BOC: variants seen among roughly 807,000 people sequenced by gnomAD.
BOC encodes the protein BOC cell adhesion associated, oncogene regulated.
In BOC, 76 loss-of-function variants were observed where a neutral mutation model predicts 112.0. The observed-to-expected ratio is 0.68, with a 90% confidence interval of 0.56 to 0.82. The LOEUF is 0.82. Ranked by LOEUF, BOC falls within the 40% of genes least tolerant of loss-of-function variation. The pLI, the probability that BOC is intolerant of heterozygous loss-of-function variation, is 0.00. For missense variants in BOC, 1,309 were observed against 1,511.7 expected, an observed-to-expected ratio of 0.87 and a Z score of 2.22; for synonymous variants, 580 against 599.8, an observed-to-expected ratio of 0.97 and a Z score of 0.48.
intron 4 of BOC, among the ~76,000 whole-genome samples, chr3:113,256,095 A>G (rs915043411): frequency 1.6e-4 from 25 of 152,152 alleles, no homozygotes; most frequent in Admixed American, 3.3e-4. Flanking sequence ...ATTTGAGAGC[A>G]TTTTAGAAAT....
rs779485289 is a variant in BOC, at chr3:113,284,616, A to T, written c.2889+49A>T. The T allele has an allele frequency of 5.7e-6, 9 of 1,576,034 alleles. No homozygotes were observed. In the South Asian group the frequency reaches 1.0e-4, roughly 18 times the overall value. On this transcript the variant is annotated intron_variant, in intron 17 of 19. Coordinates refer to ENST00000682979, the MANE Select transcript of BOC (RefSeq NM_001378074.1). Reference sequence around the variant, plus strand: ...GGCAGGTATGGGACACCCAGGAGGGAGTGGCTGGGCTGCCTTGGGGGGCCT... The same window carrying T: ...GGCAGGTATGGGACACCCAGGAGGGTGTGGCTGGGCTGCCTTGGGGGGCCT...
intron 4 of BOC, among the ~76,000 whole-genome samples, chr3:113,260,486 C>T (rs936286373): frequency 1.3e-5 from 2 of 152,126 alleles, no homozygotes; most frequent in African/African-American, 2.4e-5. Context: ...AATTTGGCTC[C>T]ATGACCTAAC....
intron 2 of BOC, among the ~76,000 whole-genome samples, chr3:113,239,840 A>G (rs116507371): frequency 0.016 from 2,388 of 152,240 alleles, 21 homozygotes; most frequent in Admixed American, 0.026. Context: ...TCTGTAAACC[A>G]TGAAATATGC....
In BOC at chr3:113,274,245, G is replaced by A; in HGVS notation, c.1235-130G>A. Reference sequence around the variant, plus strand: ...GGAGCCTGGCTGGGCAGCACAGAGTGGGTGGCGGTACAGCTGATGGTGGGC... The same window carrying A: ...GGAGCCTGGCTGGGCAGCACAGAGTAGGTGGCGGTACAGCTGATGGTGGGC... On this transcript the variant is annotated intron_variant, in intron 8 of 19. Transcript: ENST00000682979. This position sits in a 1 kb window ranked among gnomAD's most constrained non-coding sequence, Gnocchi z 4.8. 1 of 799,320 alleles carries A rather than the reference G, an allele frequency of 1.3e-6. No homozygotes were observed. The highest frequency in any genetic ancestry group is 1.9e-6 in the Non-Finnish European group (1 of 539,160). 49.5% of individuals were successfully genotyped at this position (799,320 alleles called of 1,614,324 possible). A position where few individuals can be genotyped will look rare whatever the true frequency, so the allele number is the denominator to read the frequency against.
chr3:113,265,065 A>G (rs1947320832), intron 4 of BOC, among the ~76,000 whole-genome samples: 1 of 152,200 alleles, frequency 6.6e-6, no homozygotes, highest in East Asian at 1.9e-4. Flanking sequence ...TTCTGTCTCC[A>G]ACTGAGCAGC....
rs149730158 is a variant in BOC at position 113,274,638 on chromosome 3, A to G, written c.1498A>G (p.Ser500Gly). The change falls in exon 9 of 20, where the codon AGT becomes GGT. Residue 500 changes from serine to glycine, a missense_variant. By Grantham distance (56) the Ser-to-Gly change is moderately conservative. Transcript: ENST00000682979. The surrounding 1 kb of genome is among the most constrained non-coding windows in gnomAD (Gnocchi z 4.8). Reference protein sequence around the residue: ...ELVWRPRHEGSGRAPILYYVV... With the variant: ...ELVWRPRHEGGGRAPILYYVV... ...GGTGTGGCGGCCTCGGCATGAGGGC[A>G]GTGGCCGGGCGCCAATCCTCTACTA... The G allele has an allele frequency of 6.5e-5, 104 of 1,608,812 alleles. No individual in the cohort carries two copies. The highest frequency in any genetic ancestry group is 8.3e-5 in the Non-Finnish European group (98 of 1,176,456).
At chr3:113,234,222 C>G (rs920916412) in intron 2 of BOC, among the ~76,000 whole-genome samples, 1 of 152,176 alleles carries the variant, frequency 6.6e-6, no homozygotes. Flanking sequence ...CCTTAACTGA[C>G]AGACTTTGAC....
intron 4 of BOC, 83 bp from the exon 5 acceptor site, chr3:113,268,216 C>A: frequency 6.4e-7 from 1 of 1,566,422 alleles, no homozygotes; most frequent in Non-Finnish European, 8.7e-7. Flanking sequence ...TCATGACTGA[C>A]AACACCAAGG....
rs754333274 is a variant in BOC, at chr3:113,217,264, G to A, written c.-82+990G>A. 4.6e-5 allele frequency among the ~76,000 whole-genome samples: 7 copies of A among 152,258 alleles called. No homozygotes were observed. The South Asian group carries it at 6.2e-4, about 14-fold the overall frequency. On this transcript the variant is annotated intron_variant, in intron 2 of 19. Transcript: ENST00000682979. ...GGCAGAGTGGCTCATGCCTGTAATC[G>A]CAACACTTTGGGAGGCCAAGGTGGG...
rs1256771064 is a variant in BOC at position 113,274,674 on chromosome 3, C to T, written c.1534C>T (p.His512Tyr). 1 of 1,594,122 alleles carries T rather than the reference C, an allele frequency of 6.3e-7. No homozygotes were observed. The highest frequency in any genetic ancestry group is 1.7e-5 in the Admixed American group (1 of 59,508). The change falls in exon 9 of 20, where the codon CAC (histidine) becomes TAC (tyrosine). Residue 512 changes from histidine to tyrosine, a missense_variant. His to Tyr is a moderately conservative substitution (Grantham distance 83). Transcript: ENST00000682979. This position sits in a 1 kb window ranked among gnomAD's most constrained non-coding sequence, Gnocchi z 4.8. ...RAPILYYVVK[H>Y]RKQVTNSSDD... ...GCCAATCCTCTACTATGTGGTGAAA[C>T]ACCGCAAGGTATGGCCCTGGTGTGG...
chr3:113,272,593 T>C lies in BOC; in HGVS notation c.851T>C (p.Leu284Pro), dbSNP rs1304636259. Reference sequence around the variant, plus strand: ...AAGACGCGCTTCCTGCTGAGCAACCTCCTCATCGACACCACCAGCGAGGAG... The same window carrying C: ...AAGACGCGCTTCCTGCTGAGCAACCCCCTCATCGACACCACCAGCGAGGAG... ...YNKTRFLLSNLLIDTTSEEDS... is the reference protein window; with the variant it reads ...YNKTRFLLSNPLIDTTSEEDS... The change falls in exon 7 of 20, where the codon CTC becomes CCC. Residue 284 changes from leucine (L) to proline (P), a missense_variant. By Grantham distance (98) the Leu-to-Pro change is moderately conservative (BLOSUM62 -3). Coordinates refer to ENST00000682979, the MANE Select transcript of BOC (RefSeq NM_001378074.1). The C allele has an allele frequency of 9.3e-6, 15 of 1,613,624 alleles. No homozygotes were observed. The highest frequency in any genetic ancestry group is 1.3e-5 in the Non-Finnish European group (15 of 1,179,924).
At chr3:113,237,151 G>C (rs924532530) in intron 2 of BOC, among the ~76,000 whole-genome samples, 2 of 152,144 alleles carry the variant, frequency 1.3e-5, no homozygotes, top group African/African-American at 2.4e-5. Context: ...TGGAACATCA[G>C]GAAGGGTTTT....
chr3:113,279,259 T>C lies in BOC; in HGVS notation c.1827T>C (p.Ala609=). Residue 609 remains alanine, a synonymous_variant, in exon 12 of 20, where the codon GCT becomes GCC. Transcript: ENST00000682979. ...TACGGTCTTTCCCAGCCCCAGAAGCTCCCGACAGGCCCACCATCTCCACGG... is the reference window on the plus strand; with the variant it reads ...TACGGTCTTTCCCAGCCCCAGAAGCCCCCGACAGGCCCACCATCTCCACGG... The part of the protein sequence containing the change: ...PDHGRLSPPE[A]PDRPTISTAS... The C allele has an allele frequency of 6.2e-7, 1 of 1,613,198 alleles. No homozygotes were observed. Among genetic ancestry groups the C allele is most frequent in the East Asian group, 2.2e-5 (1 of 44,832 alleles).
At chr3:113,260,683 AG>A (rs1946732777) in intron 4 of BOC, among the ~76,000 whole-genome samples, 1 of 122,486 alleles carries the variant, frequency 8.2e-6, no homozygotes, top group African/African-American at 3.7e-5. Context: ...AGAACAGAAC[AG>A]AACAGAACAG....
intron 4 of BOC, among the ~76,000 whole-genome samples, chr3:113,263,810 G>T (rs1340696163): frequency 6.6e-6 from 1 of 152,246 alleles, no homozygotes; most frequent in East Asian, 1.9e-4. Flanking sequence ...GATAAAATGT[G>T]CCAATTTGCG....
At chr3:113,282,318 G>T (rs74357280) in intron 15 of BOC, among the ~76,000 whole-genome samples, 4,532 of 152,256 alleles carry the variant, frequency 0.03, 232 homozygotes, top group African/African-American at 0.1. Flanking sequence ...TAAAGGTAAA[G>T]AGAAGGGATG....
At chr3:113,262,641 G>A (rs1481441159) in intron 4 of BOC, among the ~76,000 whole-genome samples, 1 of 152,192 alleles carries the variant, frequency 6.6e-6, no homozygotes, top group Non-Finnish European at 1.5e-5. Flanking sequence ...GACCTCATGA[G>A]AGCACAATGA....
chr3:113,272,497 G>T lies in BOC; in HGVS notation c.755G>T (p.Cys252Phe), dbSNP rs774242246. The change falls in exon 7 of 20, where the codon TGT becomes TTT. Residue 252 changes from cysteine to phenylalanine, a missense_variant. Cys to Phe is a radical substitution (Grantham distance 205). Coordinates refer to ENST00000682979, the MANE Select transcript of BOC (RefSeq NM_001378074.1). ...VTKGQSLILE[C>F]VASGIPPPRV... ...AAAGGCCAGAGTCTCATTCTGGAGTGTGTGGCCAGTGGAATCCCACCCCCA... is the reference window on the plus strand; with the variant it reads ...AAAGGCCAGAGTCTCATTCTGGAGTTTGTGGCCAGTGGAATCCCACCCCCA... 1.2e-6 allele frequency: 2 copies of T among 1,613,990 alleles called. No homozygotes were observed. Among genetic ancestry groups the T allele is most frequent in the Non-Finnish European group, 1.7e-6 (2 of 1,180,026 alleles).
rs1338102608 is a variant in BOC at position 113,284,524 on chromosome 3, C to T, written c.2846C>T (p.Pro949Leu). 5.0e-6 allele frequency: 8 copies of T among 1,613,906 alleles called. No individual in the cohort carries two copies. The highest frequency in any genetic ancestry group is 4.5e-5 in the East Asian group (2 of 44,858). ...RGCPSAAVGY[P>L]GMKPQQHCPG... The stretch of plus-strand genomic sequence containing the variant: ...TGCCCCTCGGCTGCAGTGGGCTACC[C>T]GGGCATGAAGCCCCAGCAGCACTGC... The change falls in exon 17 of 20, where the codon CCG becomes CTG. Residue 949 changes from proline to leucine, a missense_variant. Pro to Leu is a moderately conservative substitution (Grantham distance 98, BLOSUM62 -3). Transcript: ENST00000682979.
Sources: gnomAD v4.1 joint callset for allele counts (sites outside exome capture counted in the v4.1 genomes callset) on GRCh38, gnomAD v4.1.1 for gene constraint, Gnocchi (gnomAD v3.1) non-coding constraint, MANE v1.5 for transcripts, NCBI Gene and HGNC (gene_info 2026-07-23, HGNC 2026-07-21) for gene names.